The following SLC39A11 variants were observed in gnomAD, a reference collection of about 807,000 sequenced individuals.
SLC39A11 encodes the protein zinc transporter ZIP11.
A neutral mutation model predicts 36.1 loss-of-function variants in SLC39A11; 33 were observed. The observed-to-expected ratio is 0.91, with a 90% CI of 0.69 to 1.22. SLC39A11 has a LOEUF of 1.22. Ranked by LOEUF, SLC39A11 falls within the 50% of genes most tolerant of loss-of-function variation. The pLI is 0.00. For missense variants in SLC39A11, 432 were observed against 430.3 expected, an observed-to-expected ratio of 1.00 and a Z score of -0.03; for synonymous variants, 166 against 170.3, an observed-to-expected ratio of 0.97 and a Z score of 0.20.
chr17:72,687,512 G>A (rs1255597804), intron 7 of SLC39A11, among the ~76,000 whole-genome samples: 4 of 152,162 alleles, frequency 2.6e-5, no homozygotes, highest in African/African-American at 4.8e-5. Flanking sequence ...CAAAGTGCTG[G>A]GATTACAGGC....
intron 7 of SLC39A11, among the ~76,000 whole-genome samples, chr17:72,666,944 C>T (rs1414980507): frequency 2.6e-5 from 4 of 152,108 alleles, no homozygotes; most frequent in African/African-American, 4.8e-5. Flanking sequence ...GCAGGGAGAG[C>T]GAGAGGCATG....
chr17:72,692,578 T>C (rs1290622491), intron 7 of SLC39A11, among the ~76,000 whole-genome samples: 4 of 152,154 alleles, frequency 2.6e-5, no homozygotes, highest in African/African-American at 9.7e-5. Context: ...ACTAATTCAC[T>C]ATCACGAGAA....
intron 4 of SLC39A11, among the ~76,000 whole-genome samples, chr17:73,012,211 C>T (rs978911581): frequency 6.6e-6 from 1 of 151,852 alleles, no homozygotes; most frequent in African/African-American, 2.4e-5. Context: ...GGGAAGCAGA[C>T]GTTGCAGTGA....
chr17:73,060,749 T>C (rs992858719), intron 3 of SLC39A11, among the ~76,000 whole-genome samples: 3 of 152,148 alleles, frequency 2.0e-5, no homozygotes, highest in African/African-American at 2.4e-5. Flanking sequence ...ATTTTACTCA[T>C]ATGTGTTCTA....
chr17:72,838,850 G>A (rs1425303262), intron 6 of SLC39A11, among the ~76,000 whole-genome samples: 1 of 152,190 alleles, frequency 6.6e-6, no homozygotes, highest in Non-Finnish European at 1.5e-5. Flanking sequence ...GAAGAACTGA[G>A]GGATAACATG....
At chr17:72,917,351 T>C (rs1208647101) in intron 5 of SLC39A11, among the ~76,000 whole-genome samples, 3 of 152,226 alleles carry the variant, frequency 2.0e-5, no homozygotes, top group Admixed American at 1.3e-4. Context: ...GCTGGATCCC[T>C]GCTCTCTGGG....
At chr17:73,039,765 A>G (rs2059048799) in intron 3 of SLC39A11, among the ~76,000 whole-genome samples, 2 of 152,226 alleles carry the variant, frequency 1.3e-5, no homozygotes, top group Non-Finnish European at 2.9e-5. Context: ...CTACTGATAG[A>G]ATCACAGACT....
At chr17:72,677,791 G>A (rs1336111972) in intron 7 of SLC39A11, among the ~76,000 whole-genome samples, 1 of 152,134 alleles carries the variant, frequency 6.6e-6, no homozygotes, top group Non-Finnish European at 1.5e-5. Context: ...GAACACAGCA[G>A]AGTAGAGGGC....
chr17:73,051,391 G>A (rs2143910190), intron 3 of SLC39A11, among the ~76,000 whole-genome samples: 1 of 152,228 alleles, frequency 6.6e-6, no homozygotes. Context: ...GTTCTGTGCA[G>A]ACAGGAATTT....
chr17:72,837,848 G>T, intron 6 of SLC39A11: 2 of 882,106 alleles, frequency 2.3e-6, no homozygotes, highest in Non-Finnish European at 3.0e-6. Flanking sequence ...TAGGGAAACT[G>T]TAGAGACAAA....
At chr17:72,973,917 C>T (rs904638447) in intron 4 of SLC39A11, among the ~76,000 whole-genome samples, 1 of 151,998 alleles carries the variant, frequency 6.6e-6, no homozygotes, top group Non-Finnish European at 1.5e-5. Flanking sequence ...AAAATTAATA[C>T]AGTGGATTCC....
In SLC39A11 at chr17:72,737,067, G is replaced by A. The variant is rs938016478; in HGVS notation, c.602-348C>T. ...AAGACAGGCAGATCACCTGAGGTCA[G>A]GAGTTCGAGACCAGCCTGGCCAACA... On this transcript the variant is annotated intron_variant, in intron 6 of 9. Transcript: ENST00000255559. Among the ~76,000 whole-genome samples, 84 of 152,002 alleles carry A rather than the reference G, an allele frequency of 5.5e-4. 1 individual carries two copies. Among genetic ancestry groups the A allele is most frequent in the Non-Finnish European group, 1.0e-4 (7 of 67,990 alleles).
chr17:72,698,423 T>C (rs1305245416), intron 7 of SLC39A11, among the ~76,000 whole-genome samples: 1 of 150,632 alleles, frequency 6.6e-6, no homozygotes, highest in African/African-American at 2.5e-5. Context: ...TATTCTCCTA[T>C]TTTTATGTAT....
intron 7 of SLC39A11, among the ~76,000 whole-genome samples, chr17:72,720,052 C>T (rs921366422): frequency 6.6e-6 from 1 of 152,180 alleles, no homozygotes; most frequent in South Asian, 2.1e-4. Context: ...CCGACCCTTG[C>T]CGTCGACACC....
At position 72,713,779 on chromosome 17, in the gene SLC39A11, G is replaced by A. The variant is rs188387690; in HGVS notation, c.671+22871C>T. Among the ~76,000 whole-genome samples, 31 of 152,244 alleles carry A rather than the reference G, an allele frequency of 2.0e-4. No homozygotes were observed. The East Asian group carries it at 4.1e-3, about 20-fold the overall frequency. On this transcript the variant is annotated intron_variant, in intron 7 of 9. Coordinates refer to ENST00000255559, the MANE Select transcript of SLC39A11 (RefSeq NM_139177.4). Reference sequence around the variant, plus strand: ...ACCTCCCTGCCATCCCTCATCTGAGGGTGATAATAACAGCTATAACTTCTC... The same window carrying A: ...ACCTCCCTGCCATCCCTCATCTGAGAGTGATAATAACAGCTATAACTTCTC...
chr17:73,009,974 G>T (rs1598839675), intron 4 of SLC39A11, among the ~76,000 whole-genome samples: 1 of 151,578 alleles, frequency 6.6e-6, no homozygotes, highest in South Asian at 2.1e-4. Context: ...ATTTTTTAAG[G>T]AGCCCAGGAG....
chr17:72,719,010 A>AG (rs2073531759), intron 7 of SLC39A11, among the ~76,000 whole-genome samples: 1 of 151,974 alleles, frequency 6.6e-6, no homozygotes, highest in Admixed American at 6.6e-5. Flanking sequence ...AGGCTGAGGC[A>AG]GGCAGATCAC....
chr17:72,726,305 C>T (rs540723464), intron 7 of SLC39A11, among the ~76,000 whole-genome samples: 23 of 152,314 alleles, frequency 1.5e-4, no homozygotes, highest in African/African-American at 4.8e-4. Flanking sequence ...GACTCCTCCC[C>T]GCCACAACAA....
rs966164929 is a variant in SLC39A11 at position 72,939,463 on chromosome 17, A to AAC, written c.430+8288_430+8289insGT. On this transcript the variant is annotated intron_variant, in intron 5 of 9. Transcript: ENST00000255559. ...ACAGAGTAAGGTTCCGTCTCGAAAA[A>AAC]AAAAAAAGAATATGACCTTACCTAG... Among the ~76,000 whole-genome samples the AAC allele has an allele frequency of 4.0e-5, 6 of 151,628 alleles. No homozygotes were observed. In the East Asian group the frequency reaches 1.2e-3, roughly 29 times the overall value.
Sources: allele counts gnomAD v4.1 joint callset (sites outside exome capture counted in the v4.1 genomes callset), GRCh38; gene constraint gnomAD v4.1.1; transcripts MANE v1.5; gene names NCBI Gene and HGNC (gene_info 2026-07-23, HGNC 2026-07-21).